The following MARCHF7 variants were observed in gnomAD, a reference collection of about 807,000 sequenced individuals.
The protein encoded by MARCHF7 is membrane associated ring-CH-type finger 7.
Under a neutral mutation model 76.5 loss-of-function variants are expected in MARCHF7, and 20 were observed. The ratio of observed to expected loss-of-function variants is 0.26; its 90% CI spans 0.18 to 0.38. MARCHF7 has a LOEUF of 0.38. Among genes scored for constraint, MARCHF7 ranks in the 10% least tolerant of loss-of-function variants. MARCHF7 has a pLI of 1.00. For missense variants in MARCHF7, 797 were observed against 812.9 expected (o/e 0.98, Z 0.24); for synonymous variants, 295 against 293.0 (o/e 1.01, Z -0.07).
At chr2:159,732,636 C>T (rs939477859) in intron 4 of MARCHF7, among the ~76,000 whole-genome samples, 8 of 152,190 alleles carry the variant, frequency 5.3e-5, no homozygotes, top group Non-Finnish European at 7.3e-5. Flanking sequence ...CCTCAGCCTC[C>T]TGAGTAGCTG....
At chr2:159,765,969 G>T (rs934288932) in intron 11 of MARCHF7, among the ~76,000 whole-genome samples, 2 of 151,920 alleles carry the variant, frequency 1.3e-5, no homozygotes, top group Admixed American at 1.3e-4. Flanking sequence ...TTGTTTCAGT[G>T]TATGTTTTCC....
chr2:159,766,724 AATT>A (rs1475783519), intron 11 of MARCHF7, among the ~76,000 whole-genome samples: 1 of 152,220 alleles, frequency 6.6e-6, no homozygotes, highest in East Asian at 1.9e-4. Context: ...TACTGAATCC[AATT>A]ATTTTAATTT....
intron 10 of MARCHF7, 52 bp from the exon 11 acceptor site, chr2:159,764,574 A>T: frequency 7.2e-7 from 1 of 1,391,066 alleles, no homozygotes; most frequent in Non-Finnish European, 1.0e-6. Flanking sequence ...TTCTCTCTTT[A>T]GATCCATTTG....
At chr2:159,763,792 C>T (rs1401929527) in intron 10 of MARCHF7, among the ~76,000 whole-genome samples, 1 of 152,126 alleles carries the variant, frequency 6.6e-6, no homozygotes, top group African/African-American at 2.4e-5. Context: ...GTATGTAATA[C>T]TCCTTCTAAA....
intron 4 of MARCHF7, among the ~76,000 whole-genome samples, chr2:159,738,867 C>T (rs1431485438): frequency 6.6e-6 from 1 of 152,202 alleles, no homozygotes. Context: ...GCATGTCTGC[C>T]TCCTGCTACT....
At chr2:159,745,709 T>G in intron 5 of MARCHF7, 61 bp from the exon 6 acceptor site, 2 of 1,138,756 alleles carry the variant, frequency 1.8e-6, no homozygotes, top group Non-Finnish European at 2.5e-6. Flanking sequence ...TTACTGAAGA[T>G]TGTCATCATC....
intron 4 of MARCHF7, among the ~76,000 whole-genome samples, chr2:159,742,257 T>G (rs12464913): frequency 0.08 from 12,241 of 152,156 alleles, 579 homozygotes; most frequent in African/African-American, 0.13. Context: ...ATTTTTTTTT[T>G]TTGTTTTTTA....
intron 3 of MARCHF7, among the ~76,000 whole-genome samples, chr2:159,720,041 C>T (rs1372338315): frequency 1.3e-5 from 2 of 152,072 alleles, no homozygotes; most frequent in African/African-American, 4.8e-5. Flanking sequence ...CCCCTCCAGC[C>T]CCAAGATGGA....
At chr2:159,737,007 T>A (rs1703538815) in intron 4 of MARCHF7, among the ~76,000 whole-genome samples, 2 of 152,188 alleles carry the variant, frequency 1.3e-5, no homozygotes, top group Middle Eastern at 3.2e-3. Flanking sequence ...AAATAACTGA[T>A]GAAAACTATT....
intron 4 of MARCHF7, among the ~76,000 whole-genome samples, chr2:159,740,866 G>A (rs1217242656): frequency 6.6e-6 from 1 of 152,030 alleles, no homozygotes; most frequent in Non-Finnish European, 1.5e-5. Context: ...CTGAATGCAG[G>A]CAATATGTTT....
At chr2:159,743,674 A>G (rs939586911) in intron 5 of MARCHF7, among the ~76,000 whole-genome samples, 1 of 151,980 alleles carries the variant, frequency 6.6e-6, no homozygotes, top group African/African-American at 2.4e-5. Flanking sequence ...CTAAGGCAGG[A>G]TGATCGCTTG....
chr2:159,767,431 TAATA>T lies in MARCHF7; in HGVS notation c.*94_*97del, dbSNP rs774811305. ...TAAATTACTTTTGTGGGGGAATGCCTAATAAATACATTGACTATATATAAAATGA... is the reference window on the plus strand; with the variant it reads ...TAAATTACTTTTGTGGGGGAATGCCTAATACATTGACTATATATAAAATGA... On this transcript the variant is annotated 3_prime_UTR_variant, in exon 12 of 12. Transcript: ENST00000409175. 1.1e-4 allele frequency: 96 copies of T among 848,514 alleles called. No individual in the cohort carries two copies. The highest frequency in any genetic ancestry group is 6.2e-4 in the South Asian group (42 of 67,748). The allele number at this position is 848,514 out of a possible 1,614,324, so 52.6% of individuals were successfully genotyped here. A position where few individuals can be genotyped will look rare whatever the true frequency, so the allele number is the denominator to read the frequency against.
chr2:159,758,299 A>G (rs1312836023), intron 8 of MARCHF7, among the ~76,000 whole-genome samples: 1 of 152,240 alleles, frequency 6.6e-6, no homozygotes, highest in African/African-American at 2.4e-5. Flanking sequence ...TTGAATGAAT[A>G]TGGAAGTTTT....
chr2:159,735,528 T>C (rs997079109), intron 4 of MARCHF7, among the ~76,000 whole-genome samples: 1 of 152,236 alleles, frequency 6.6e-6, no homozygotes, highest in Non-Finnish European at 1.5e-5. Flanking sequence ...ATCTACTTTA[T>C]ATCTGTACAT....
chr2:159,765,074 A>G (rs1014785948), intron 11 of MARCHF7, among the ~76,000 whole-genome samples: 16 of 152,144 alleles, frequency 1.1e-4, no homozygotes, highest in African/African-American at 3.9e-4. Context: ...GTTAGATCAT[A>G]AGAGATTATT....
At chr2:159,712,854 T>C (rs1490077250) in intron 1 of MARCHF7, among the ~76,000 whole-genome samples, 1 of 152,130 alleles carries the variant, frequency 6.6e-6, no homozygotes, top group African/African-American at 2.4e-5. Context: ...CCAGGGGCCT[T>C]TGGTCGGGTG....
rs747902045 is a variant in MARCHF7, at chr2:159,761,406, C to CTTTTTTTTTTTTTT, written c.1894-1462_1894-1449dup. On this transcript the variant is annotated intron_variant, in intron 9 of 11. Coordinates refer to ENST00000409175, the MANE Select transcript of MARCHF7 (RefSeq NM_001282805.2). Reference sequence around the variant, plus strand: ...ACAATAATTATTAAGTGAATCATTTCTTTTTTTTTTTTTTTTTTTTTTTTT... The same window carrying CTTTTTTTTTTTTTT: ...ACAATAATTATTAAGTGAATCATTTCTTTTTTTTTTTTTTTTTTTTTTTTTTTTTTTTTTTTTTT... 3.0e-4 allele frequency among the ~76,000 whole-genome samples: 22 copies of CTTTTTTTTTTTTTT among 73,750 alleles called. 5 individuals are homozygous for CTTTTTTTTTTTTTT. The highest frequency in any genetic ancestry group is 1.0e-3 in the Admixed American group (4 of 4,000). The allele number at this position is 73,750 out of a possible 152,430, so 48.4% of individuals were successfully genotyped here. A position where few individuals can be genotyped will look rare whatever the true frequency, so the allele number is the denominator to read the frequency against.
At chr2:159,729,197 T>C in intron 4 of MARCHF7, 22 bp downstream of exon 4, 1 of 1,559,102 alleles carries the variant, frequency 6.4e-7, no homozygotes. Context: ...ATTTGGAATA[T>C]ATGTATACAG....
intron 5 of MARCHF7, among the ~76,000 whole-genome samples, chr2:159,744,309 G>T (rs1460072707): frequency 6.6e-6 from 1 of 152,098 alleles, no homozygotes; most frequent in Non-Finnish European, 1.5e-5. Flanking sequence ...CTATACAAGG[G>T]ATTAGAAAGT....
Sources: gnomAD v4.1 joint callset for allele counts (sites outside exome capture counted in the v4.1 genomes callset) on GRCh38, gnomAD v4.1.1 for gene constraint, MANE v1.5 for transcripts, NCBI Gene and HGNC (gene_info 2026-07-23, HGNC 2026-07-21) for gene names.